Variants in C3orf33 observed in about 807,000 individuals in gnomAD.
C3orf33 encodes the protein mitochondrial inner membrane subdomain organizer 1, also known as AP-1 activity suppressor.
Under a neutral mutation model 28.7 loss-of-function variants are expected in C3orf33, and 23 were observed. The ratio of observed to expected loss-of-function variants is 0.80; its 90% CI spans 0.58 to 1.13. The LOEUF (loss-of-function observed/expected upper bound fraction) is 1.13. Ranked by LOEUF, C3orf33 falls within the 50% of genes most tolerant of loss-of-function variation. The pLI is 0.00. For synonymous variants in C3orf33, 119 were observed against 120.5 expected, an observed-to-expected ratio of 0.99 and a Z score of 0.08; for missense variants, 327 against 353.4, an observed-to-expected ratio of 0.93 and a Z score of 0.60.
chr3:155,798,419 G>C (rs1012906938), intron 2 of C3orf33, among the ~76,000 whole-genome samples: 4 of 152,086 alleles, frequency 2.6e-5, no homozygotes, highest in African/African-American at 9.7e-5. Flanking sequence ...CATAAAAACA[G>C]ACACATAGAC....
In C3orf33 at chr3:155,767,789, C is replaced by T. The variant is rs180834190; in HGVS notation, c.323-120G>A. On this transcript the variant is annotated intron_variant, in intron 3 of 4. Transcript: ENST00000340171. ...ATGTTTATTTATAAATACCCAGTCT[C>T]TCTAACTGTAGACCCATTTATTTCT... The T allele has an allele frequency of 6.5e-6, 4 of 614,446 alleles. No homozygotes were observed. In the African/African-American group the frequency reaches 7.5e-5, roughly 11 times the overall value. 38.1% of individuals were successfully genotyped at this position (614,446 alleles called of 1,614,324 possible). A position where few individuals can be genotyped will look rare whatever the true frequency, so the allele number is the denominator to read the frequency against.
intron 1 of C3orf33, among the ~76,000 whole-genome samples, chr3:155,803,635 C>A (rs1577442319): frequency 6.7e-6 from 1 of 149,900 alleles, no homozygotes; most frequent in East Asian, 2.0e-4. Flanking sequence ...AATCTCAGCA[C>A]TTGGGGAGGC....
At position 155,763,611 on chromosome 3, in the gene C3orf33, G is replaced by A; in HGVS notation, c.791C>T (p.Thr264Ile). 6.3e-7 allele frequency: 1 copy of A among 1,591,706 alleles called. No homozygotes were observed. Among genetic ancestry groups the A allele is most frequent in the Admixed American group, 1.9e-5 (1 of 53,868 alleles). ...CATGTTGTCTTTCCATATTTCATAA[G>A]TCCTTTTAAGTTTTTCATAATAACT... ...KESYYEKLKR[T>I]YEIWKDNMNN... is the part of the protein sequence containing the mutation. Residue 264 changes from threonine (T) to isoleucine (I), a missense_variant, in exon 5 of 5, where the codon ACT (threonine) becomes ATT (isoleucine). Thr to Ile is a moderately conservative substitution (Grantham distance 89). Coordinates refer to ENST00000340171, the MANE Select transcript of C3orf33 (RefSeq NM_001308229.2).
chr3:155,774,535 A>C (rs1750681325), intron 3 of C3orf33, among the ~76,000 whole-genome samples: 1 of 152,190 alleles, frequency 6.6e-6, no homozygotes, highest in Non-Finnish European at 1.5e-5. Context: ...TGGGAATTGC[A>C]GCAGGAAAGT....
intron 2 of C3orf33, among the ~76,000 whole-genome samples, chr3:155,793,836 A>AAAAAAAAAAAAAAT (rs1751394183): frequency 7.0e-6 from 1 of 143,828 alleles, no homozygotes. Context: ...AACTAAAAAA[A>AAAAAAAAAAAAAAT]CTAAAAAAAC....
intron 3 of C3orf33, among the ~76,000 whole-genome samples, chr3:155,770,503 A>C (rs1750547358): frequency 1.3e-5 from 2 of 152,222 alleles, no homozygotes; most frequent in Non-Finnish European, 2.9e-5. Flanking sequence ...ATGAAACACT[A>C]TCAACCTAAA....
At chr3:155,782,873 G>A (rs559796732) in intron 2 of C3orf33, among the ~76,000 whole-genome samples, 1 of 152,162 alleles carries the variant, frequency 6.6e-6, no homozygotes, top group Admixed American at 6.5e-5. Flanking sequence ...ACAACAGTTT[G>A]TAACTCCACT....
rs575234478 is a variant in C3orf33, at chr3:155,786,733, A to C, written c.175-10885T>G. Among the ~76,000 whole-genome samples the C allele has an allele frequency of 2.0e-5, 3 of 152,298 alleles. No homozygotes were observed. The South Asian group carries it at 6.2e-4, about 32-fold the overall frequency. On this transcript the variant is annotated intron_variant, in intron 2 of 4. Coordinates refer to ENST00000340171, the MANE Select transcript of C3orf33 (RefSeq NM_001308229.2). ...GTAATCCCAGCTACTCAGGAGGCTG[A>C]GGCAGAAGAATCACTTGAACCTGGG...
rs930573258 is a variant in C3orf33, at chr3:155,798,620, C to A, written c.174+3912G>T. ...CTCTCATCATATACAAAAATAAAATCAAAATGCATTAAAGACTTAAATCTA... is the reference window on the plus strand; with the variant it reads ...CTCTCATCATATACAAAAATAAAATAAAAATGCATTAAAGACTTAAATCTA... On this transcript the variant is annotated intron_variant, in intron 2 of 4. Coordinates refer to ENST00000340171, the MANE Select transcript of C3orf33 (RefSeq NM_001308229.2). 7.9e-5 allele frequency among the ~76,000 whole-genome samples: 12 copies of A among 152,216 alleles called. No homozygotes were observed. The East Asian group carries it at 2.3e-3, about 29-fold the overall frequency.
chr3:155,775,770 G>C lies in C3orf33; in HGVS notation c.253C>G (p.Arg85Gly). ...ATTTCTAAACCATTCTCAGTTATTC[G>C]GCGTAATCGTCCACGTAGTTTAACA... ...RNVKLRGRLR[R>G]ITENGLEIEH... is the part of the protein sequence containing the mutation. The change falls in exon 3 of 5, where the codon CGA becomes GGA. Residue 85 changes from arginine to glycine, a missense_variant. By Grantham distance (125) the Arg-to-Gly change is moderately radical. Coordinates refer to ENST00000340171, the MANE Select transcript of C3orf33 (RefSeq NM_001308229.2). 1 of 1,591,958 alleles carries C rather than the reference G, an allele frequency of 6.3e-7. No individual in the cohort carries two copies. The highest frequency in any genetic ancestry group is 8.6e-7 in the Non-Finnish European group (1 of 1,161,802).
At chr3:155,778,827 A>C (rs1043862176) in intron 2 of C3orf33, among the ~76,000 whole-genome samples, 1 of 152,206 alleles carries the variant, frequency 6.6e-6, no homozygotes, top group Non-Finnish European at 1.5e-5. Flanking sequence ...CTCTAGGGGT[A>C]ATCTATGGAA....
At chr3:155,800,610 CAAAAAA>C (rs58092818) in intron 2 of C3orf33, among the ~76,000 whole-genome samples, 7 of 15,632 alleles carry the variant, frequency 4.5e-4, no homozygotes, top group Admixed American at 1.4e-3. Flanking sequence ...ACCTTATCTC[CAAAAAA>C]AAAAAAAAAA....
intron 2 of C3orf33, among the ~76,000 whole-genome samples, chr3:155,785,691 A>G (rs1751078892): frequency 6.6e-6 from 1 of 152,192 alleles, no homozygotes; most frequent in South Asian, 2.1e-4. Flanking sequence ...AATATAGTGA[A>G]AGCAGTGCTA....
intron 2 of C3orf33, among the ~76,000 whole-genome samples, chr3:155,798,494 A>C (rs1751543850): frequency 6.6e-6 from 1 of 152,220 alleles, no homozygotes; most frequent in African/African-American, 2.4e-5. Flanking sequence ...ATTTTCAACA[A>C]AGGTGCCAAG....
chr3:155,775,067 T>C lies in C3orf33; in HGVS notation c.322+634A>G, dbSNP rs545217947. Among the ~76,000 whole-genome samples, 3 of 152,324 alleles carry C rather than the reference T, an allele frequency of 2.0e-5. No individual in the cohort carries two copies. In the East Asian group the frequency reaches 5.8e-4, roughly 29 times the overall value. On this transcript the variant is annotated intron_variant, in intron 3 of 4. Coordinates refer to ENST00000340171, the MANE Select transcript of C3orf33 (RefSeq NM_001308229.2). ...ATTTGTTTGTTGTCTATCTCGCACC[T>C]AGACTATAAGCTTCAAGGGTTAAAA...
At chr3:155,800,769 G>A (rs1169464403) in intron 2 of C3orf33, among the ~76,000 whole-genome samples, 1 of 151,282 alleles carries the variant, frequency 6.6e-6, no homozygotes, top group Admixed American at 6.6e-5. Flanking sequence ...AGGGGCAAAA[G>A]AGCTGAACAG....
At chr3:155,785,713 T>C (rs1333323484) in intron 2 of C3orf33, among the ~76,000 whole-genome samples, 3 of 151,982 alleles carry the variant, frequency 2.0e-5, no homozygotes, top group African/African-American at 7.2e-5. Flanking sequence ...GGGAGAAATG[T>C]GTAACTGTAA....
chr3:155,793,929 G>A (rs1751401198), intron 2 of C3orf33, among the ~76,000 whole-genome samples: 1 of 151,364 alleles, frequency 6.6e-6, no homozygotes, highest in Non-Finnish European at 1.5e-5. Flanking sequence ...AAAGTATAGA[G>A]TTTTTTTATT....
At chr3:155,773,297 A>G (rs1321468168) in intron 3 of C3orf33, among the ~76,000 whole-genome samples, 1 of 152,258 alleles carries the variant, frequency 6.6e-6, no homozygotes, top group Non-Finnish European at 1.5e-5. Context: ...TCTTTTTCAC[A>G]TAAGCAGTTT....
Sources: gnomAD v4.1 joint callset for allele counts (sites outside exome capture counted in the v4.1 genomes callset) on GRCh38, gnomAD v4.1.1 for gene constraint, MANE v1.5 for transcripts, NCBI Gene and HGNC (gene_info 2026-07-23, HGNC 2026-07-21) for gene names.